The following MECOM variants were observed in gnomAD, a reference collection of about 807,000 sequenced individuals.
MECOM encodes MDS1 and EVI1 complex locus.
Under a neutral mutation model 116.3 loss-of-function variants are expected in MECOM, and 13 were observed. The observed-to-expected ratio is 0.11, with a 90% confidence interval of 0.07 to 0.18. MECOM has a LOEUF of 0.18. Among genes scored for constraint, MECOM ranks in the 10% least tolerant of loss-of-function variants. MECOM has a pLI of 1.00. For synonymous variants in MECOM, 528 were observed against 535.2 expected (o/e 0.99, Z 0.19); for missense variants, 1,299 against 1,509.0 (o/e 0.86, Z 2.31).
chr3:169,491,283 A>C (rs1214285165), intron 1 of MECOM, among the ~76,000 whole-genome samples: 2 of 152,172 alleles, frequency 1.3e-5, no homozygotes, highest in East Asian at 3.8e-4. Flanking sequence ...TTGCTGACCA[A>C]AGTAGATCCA....
chr3:169,476,651 A>G (rs1454844812), intron 1 of MECOM, among the ~76,000 whole-genome samples: 1 of 151,938 alleles, frequency 6.6e-6, no homozygotes, highest in Non-Finnish European at 1.5e-5. Flanking sequence ...CTTGGTACTC[A>G]TGCTCTCTGC....
chr3:169,659,452 T>TTTTTTTTTTTTTTTTTTTTTC (rs1775977421), intron 1 of MECOM, among the ~76,000 whole-genome samples: 1 of 110,788 alleles, frequency 9.0e-6, no homozygotes, highest in African/African-American at 4.1e-5. Flanking sequence ...TTTTTTTTTT[T>TTTTTTTTTTTTTTTTTTTTTC]TTTTTTTTTT....
At chr3:169,102,859 C>T (rs1280613349) in intron 10 of MECOM, among the ~76,000 whole-genome samples, 2 of 151,826 alleles carry the variant, frequency 1.3e-5, no homozygotes, top group Non-Finnish European at 2.9e-5. Flanking sequence ...TTATCAAAGA[C>T]AAAGACTAAG....
At chr3:169,387,301 G>T (rs1182992698) in intron 1 of MECOM, among the ~76,000 whole-genome samples, 1 of 152,216 alleles carries the variant, frequency 6.6e-6, no homozygotes, top group Non-Finnish European at 1.5e-5. Flanking sequence ...CCTGTGAACG[G>T]CAGGCTAGAA....
intron 2 of MECOM, among the ~76,000 whole-genome samples, chr3:169,258,761 T>C (rs1346361157): frequency 6.6e-6 from 1 of 152,234 alleles, no homozygotes; most frequent in African/African-American, 2.4e-5. Flanking sequence ...ATAAAAGTGT[T>C]GTTACAAACA....
intron 1 of MECOM, among the ~76,000 whole-genome samples, chr3:169,625,276 C>T (rs1439518207): frequency 1.3e-5 from 2 of 151,928 alleles, no homozygotes; most frequent in African/African-American, 4.8e-5. Context: ...ATGTGTATTA[C>T]CTTATTCTTT....
intron 12 of MECOM, among the ~76,000 whole-genome samples, chr3:169,097,817 T>TAAAAAAAAAAAAAAAAAAAAAAAAAAA (rs539873617): frequency 1.1e-5 from 1 of 87,194 alleles, no homozygotes; most frequent in Non-Finnish European, 2.2e-5. Flanking sequence ...ACTGTCTATA[T>TAAAAAAAAAAAAAAAAAAAAAAAAAAA]AAAAAAAAAA....
At chr3:169,584,082 T>C (rs777255848) in intron 1 of MECOM, among the ~76,000 whole-genome samples, 1 of 152,172 alleles carries the variant, frequency 6.6e-6, no homozygotes, top group East Asian at 1.9e-4. Flanking sequence ...GAGAATATTA[T>C]TTCAGTTATT....
intron 1 of MECOM, among the ~76,000 whole-genome samples, chr3:169,483,203 T>TTTTTA (rs1553866571): frequency 2.1e-5 from 1 of 48,296 alleles, no homozygotes; most frequent in African/African-American, 1.4e-4. Context: ...TTTATTTTTA[T>TTTTTA]TTTTTTTTTT....
intron 2 of MECOM, among the ~76,000 whole-genome samples, chr3:169,356,022 G>T (rs546578605): frequency 2.0e-5 from 3 of 151,946 alleles, no homozygotes; most frequent in African/African-American, 7.2e-5. Context: ...AAAATTCACA[G>T]TTTCATTTTC....
In MECOM at chr3:169,353,766, A is replaced by G. The variant is rs75468026; in HGVS notation, c.375+27421T>C. Among the ~76,000 whole-genome samples the G allele has an allele frequency of 2.7e-3, 406 of 151,992 alleles. 1 individual carries two copies. Among genetic ancestry groups the G allele is most frequent in the African/African-American group, 9.2e-3 (381 of 41,538 alleles). ...TTTCCACAAGCCAATTACTGTCTTTATACAAAGCTTCATATATAACAATAC... is the reference window on the plus strand; with the variant it reads ...TTTCCACAAGCCAATTACTGTCTTTGTACAAAGCTTCATATATAACAATAC... On this transcript the variant is annotated intron_variant, in intron 2 of 16. Transcript: ENST00000651503.
At position 169,122,646 on chromosome 3, in the gene MECOM, G is replaced by A; in HGVS notation, c.912C>T (p.Ser304=). Residue 304 remains serine (S), a synonymous_variant, in exon 6 of 17, where the codon TCC becomes TCT. Coordinates refer to ENST00000651503, the MANE Select transcript of MECOM (RefSeq NM_004991.4). ...DQCPKAFNWK[S]NLIRHQMSHD... is the part of the protein sequence containing the mutation. ...GTGACATCTGGTGGCGAATTAAATT[G>A]GACTTCCAGTTAAATGCCTTGGGAC... is the stretch of plus-strand genomic sequence containing the variant. 6.2e-7 allele frequency: 1 copy of A among 1,614,010 alleles called. No homozygotes were observed. The highest frequency in any genetic ancestry group is 8.5e-7 in the Non-Finnish European group (1 of 1,179,922).
In MECOM at chr3:169,325,899, A is replaced by G. The variant is rs549958558; in HGVS notation, c.375+55288T>C. On this transcript the variant is annotated intron_variant, in intron 2 of 16. Transcript: ENST00000651503. ...ACCAAAGGGTCAAAACAAACATTTC[A>G]GCTTCCATAATGTGTAGCACTAAAT... Among the ~76,000 whole-genome samples the G allele has an allele frequency of 2.0e-5, 3 of 152,352 alleles. No homozygotes were observed. In the South Asian group the frequency reaches 6.2e-4, roughly 32 times the overall value.
chr3:169,495,628 A>G (rs980863378), intron 1 of MECOM, among the ~76,000 whole-genome samples: 1 of 152,194 alleles, frequency 6.6e-6, no homozygotes, highest in Non-Finnish European at 1.5e-5. Context: ...TTCATATTCC[A>G]ATACTCATTC....
intron 2 of MECOM, among the ~76,000 whole-genome samples, chr3:169,346,359 T>A (rs902468876): frequency 6.6e-6 from 1 of 152,080 alleles, no homozygotes; most frequent in Non-Finnish European, 1.5e-5. Flanking sequence ...TGAACCATCA[T>A]CATACATTCT....
At chr3:169,218,283 A>T (rs892983244) in intron 2 of MECOM, among the ~76,000 whole-genome samples, 3 of 152,202 alleles carry the variant, frequency 2.0e-5, no homozygotes, top group Non-Finnish European at 4.4e-5. Flanking sequence ...CTTTAAGAAG[A>T]TAAAACTTTC....
chr3:169,511,459 C>T (rs1484922514), intron 1 of MECOM, among the ~76,000 whole-genome samples: 2 of 152,134 alleles, frequency 1.3e-5, no homozygotes, highest in African/African-American at 4.8e-5. Flanking sequence ...GAAATTAAAC[C>T]TTTTTTAAAA....
intron 1 of MECOM, among the ~76,000 whole-genome samples, chr3:169,488,922 TA>T (rs1019899601): frequency 1.3e-5 from 2 of 151,458 alleles, no homozygotes; most frequent in Non-Finnish European, 2.9e-5. Context: ...TGAACAGAAT[TA>T]AAAAAAACAA....
intron 1 of MECOM, among the ~76,000 whole-genome samples, chr3:169,540,069 G>A (rs955430483): frequency 3.3e-5 from 5 of 151,986 alleles, no homozygotes; most frequent in Admixed American, 6.6e-5. Context: ...TCTCATGTAC[G>A]CTCTCTCTTC....
Sources: gnomAD v4.1 joint callset for allele counts (sites outside exome capture counted in the v4.1 genomes callset) on GRCh38, gnomAD v4.1.1 for gene constraint, MANE v1.5 for transcripts, NCBI Gene and HGNC (gene_info 2026-07-23, HGNC 2026-07-21) for gene names.